The following TRPC5 variants were observed in gnomAD, a reference collection of about 807,000 sequenced individuals.
TRPC5 encodes transient receptor potential cation channel subfamily C member 5.
TRPC5 carries 9 observed loss-of-function variants against 56.5 expected under a neutral mutation model. The ratio of observed to expected loss-of-function variants is 0.16; its 90% CI spans 0.10 to 0.28. TRPC5 has a LOEUF of 0.28. TRPC5 is among the 10% of genes least tolerant of loss of function. The pLI, the probability that TRPC5 is intolerant of heterozygous loss-of-function variation, is 1.00. For missense variants in TRPC5, 469 were observed against 748.9 expected, an observed-to-expected ratio of 0.63 and a Z score of 4.36; for synonymous variants, 282 against 278.5, an observed-to-expected ratio of 1.01 and a Z score of -0.13.
intron 1 of TRPC5, among the ~76,000 whole-genome samples, chrX:112,080,073 T>C (rs1335495180): frequency 8.9e-6 from 1 of 112,066 alleles, no homozygotes; most frequent in Non-Finnish European, 1.9e-5. Flanking sequence ...AAATACTTAC[T>C]ATGGTTGCTT....
intron 1 of TRPC5, among the ~76,000 whole-genome samples, chrX:111,964,574 G>A (rs1467729579): frequency 1.8e-5 from 2 of 112,255 alleles, no homozygotes; most frequent in South Asian, 3.7e-4. Context: ...CAGCGAGAGA[G>A]AAAGGTGGGG....
At chrX:111,940,133 T>A (rs1316757800) in intron 2 of TRPC5, among the ~76,000 whole-genome samples, 1 of 112,240 alleles carries the variant, frequency 8.9e-6, no homozygotes, top group African/African-American at 3.2e-5. Flanking sequence ...TTAATTTCTA[T>A]AGGTTCATGT....
chrX:111,778,877 G>A, intron 10 of TRPC5, 108 bp downstream of exon 10: 5 of 506,056 alleles, frequency 9.9e-6, no homozygotes, highest in Non-Finnish European at 1.6e-5. Flanking sequence ...AACTGGCTTT[G>A]CTATATTGTA....
intron 3 of TRPC5, among the ~76,000 whole-genome samples, chrX:111,890,251 C>T (rs1924736332): frequency 8.9e-6 from 1 of 112,229 alleles, no homozygotes; most frequent in African/African-American, 3.2e-5. Context: ...GCTTGTCCAA[C>T]CTGTGGCCCA....
At chrX:111,930,509 G>A (rs1926379491) in intron 2 of TRPC5, among the ~76,000 whole-genome samples, 2 of 111,063 alleles carry the variant, frequency 1.8e-5, no homozygotes, top group Non-Finnish European at 3.8e-5. Flanking sequence ...GCTGAGGCAC[G>A]AGAATAGCTT....
chrX:111,814,614 GC>G (rs1921804385), intron 7 of TRPC5, among the ~76,000 whole-genome samples: 1 of 110,054 alleles, frequency 9.1e-6, no homozygotes, highest in Non-Finnish European at 1.9e-5. Context: ...AACTCCAAGA[GC>G]CCCCTTGGTG....
At chrX:112,074,107 T>C (rs1432664873) in intron 1 of TRPC5, among the ~76,000 whole-genome samples, 3 of 110,786 alleles carry the variant, frequency 2.7e-5, no homozygotes, top group Non-Finnish European at 3.8e-5. Flanking sequence ...GTTTTTTCTT[T>C]TCATAGAAGA....
At chrX:111,786,070 C>T (rs1945960992) in intron 7 of TRPC5, among the ~76,000 whole-genome samples, 1 of 111,115 alleles carries the variant, frequency 9.0e-6, no homozygotes, top group African/African-American at 3.3e-5. Flanking sequence ...GAGAACATCA[C>T]AAAGATACTC....
chrX:111,934,464 T>C (rs1381676508), intron 2 of TRPC5, among the ~76,000 whole-genome samples: 2 of 111,630 alleles, frequency 1.8e-5, no homozygotes, highest in African/African-American at 3.3e-5. Flanking sequence ...TTCATTTCTT[T>C]GTGTTACAGA....
At chrX:111,786,253 C>T (rs1018086077) in intron 7 of TRPC5, among the ~76,000 whole-genome samples, 4 of 111,283 alleles carry the variant, frequency 3.6e-5, no homozygotes, top group African/African-American at 1.3e-4. Context: ...AAAGTGGGGG[C>T]CAATATTCAA....
chrX:111,923,079 G>A (rs764076914), intron 2 of TRPC5, among the ~76,000 whole-genome samples: 74 of 111,497 alleles, frequency 6.6e-4, no homozygotes, highest in Non-Finnish European at 1.3e-3. Flanking sequence ...GACGTAGAGA[G>A]CCCAGAGCTT....
intron 1 of TRPC5, among the ~76,000 whole-genome samples, chrX:111,957,502 C>T (rs1356819113): frequency 8.9e-6 from 1 of 111,915 alleles, no homozygotes; most frequent in East Asian, 2.8e-4. Flanking sequence ...TATCTCCCAC[C>T]TTACAGATAA....
chrX:111,893,082 T>G (rs1371944007), intron 3 of TRPC5, among the ~76,000 whole-genome samples: 1 of 108,532 alleles, frequency 9.2e-6, no homozygotes, highest in African/African-American at 3.4e-5. Flanking sequence ...ATATAGGGTT[T>G]TTTTTTTTTT....
chrX:112,068,906 T>G (rs1930651310), intron 1 of TRPC5, among the ~76,000 whole-genome samples: 1 of 111,913 alleles, frequency 8.9e-6, no homozygotes, highest in Non-Finnish European at 1.9e-5. Flanking sequence ...TTACACACAG[T>G]ATCTTGTAGG....
chrX:112,081,814 T>A (rs1367182837), intron 1 of TRPC5, 65 bp downstream of exon 1: 2 of 112,301 alleles, frequency 1.8e-5, no homozygotes, highest in Admixed American at 1.9e-4. Context: ...CGCACTTCGC[T>A]GCCCCTTGCC....
intron 2 of TRPC5, among the ~76,000 whole-genome samples, chrX:111,947,575 C>T (rs920405101): frequency 7.2e-5 from 8 of 111,063 alleles, no homozygotes; most frequent in Non-Finnish European, 1.3e-4. Context: ...GTGAACTGCC[C>T]ACCTCGGACA....
chrX:112,075,034 C>G (rs760720524), intron 1 of TRPC5, among the ~76,000 whole-genome samples: 1 of 112,456 alleles, frequency 8.9e-6, no homozygotes, highest in Non-Finnish European at 1.9e-5. Context: ...CAGCCTTTTC[C>G]TAGATGTATA....
chrX:112,015,498 T>C (rs1929099707), intron 1 of TRPC5, among the ~76,000 whole-genome samples: 1 of 111,249 alleles, frequency 9.0e-6, no homozygotes, highest in Non-Finnish European at 1.9e-5. Context: ...GGATTACAGG[T>C]GTGGGCCACC....
At chrX:111,844,416 T>G (rs1417723588) in intron 6 of TRPC5, among the ~76,000 whole-genome samples, 1 of 110,720 alleles carries the variant, frequency 9.0e-6, no homozygotes, top group Non-Finnish European at 1.9e-5. Context: ...TTAAATTGTA[T>G]GCCTGAGGAG....
Sources: allele counts gnomAD v4.1 joint callset (sites outside exome capture counted in the v4.1 genomes callset), GRCh38; gene constraint gnomAD v4.1.1; transcripts MANE v1.5; gene names NCBI Gene and HGNC (gene_info 2026-07-23, HGNC 2026-07-21).